MYLK4: variants seen among roughly 807,000 people sequenced by gnomAD.
MYLK4 encodes myosin light chain kinase family member 4, also known as caMLCK like.
MYLK4 carries 46 observed loss-of-function variants against 48.1 expected under a neutral mutation model. That is an observed-to-expected ratio of 0.96 (90% confidence interval 0.75 to 1.22). The LOEUF (loss-of-function observed/expected upper bound fraction) is 1.22, where lower values mean the gene tolerates loss of function less well. MYLK4 is among the 50% of genes most tolerant of loss of function. The pLI, the probability that MYLK4 is intolerant of heterozygous loss-of-function variation, is 0.00. For missense variants in MYLK4, 451 were observed against 486.1 expected (o/e 0.93, Z 0.68); for synonymous variants, 170 against 180.8 (o/e 0.94, Z 0.48).
At chr6:2,748,185 G>A (rs1764165458) in intron 2 of MYLK4, among the ~76,000 whole-genome samples, 1 of 152,176 alleles carries the variant, frequency 6.6e-6, no homozygotes, top group South Asian at 2.1e-4. Flanking sequence ...CAAAAATAAT[G>A]GTTCCCAGCC....
At chr6:2,699,322 C>G (rs1425545632) in intron 2 of MYLK4, among the ~76,000 whole-genome samples, 1 of 79,478 alleles carries the variant, frequency 1.3e-5, no homozygotes, top group Non-Finnish European at 2.2e-5. Flanking sequence ...TATGGAGTCT[C>G]TCTCTGTCGC....
chr6:2,726,691 C>A (rs1199069435), intron 2 of MYLK4, among the ~76,000 whole-genome samples: 2 of 150,738 alleles, frequency 1.3e-5, no homozygotes, highest in Non-Finnish European at 2.9e-5. Context: ...CGGCTCACTG[C>A]AACCTCTGCC....
At chr6:2,725,275 T>C (rs1763215744) in intron 2 of MYLK4, among the ~76,000 whole-genome samples, 1 of 152,058 alleles carries the variant, frequency 6.6e-6, no homozygotes, top group Admixed American at 6.5e-5. Flanking sequence ...CTGGGCAAGA[T>C]AGGGAGACTC....
chr6:2,725,555 C>CGAAAG (rs11441958), intron 2 of MYLK4, among the ~76,000 whole-genome samples: 14 of 89,672 alleles, frequency 1.6e-4, no homozygotes, highest in Admixed American at 2.4e-4. Flanking sequence ...AACAAAGAAA[C>CGAAAG]AAAGAAAGAA....
the MYLK4 span, among the ~76,000 whole-genome samples, chr6:2,768,122 C>T: frequency 6.6e-6 from 1 of 152,126 alleles, no homozygotes; most frequent in African/African-American, 2.4e-5. Context: ...CTAATGTGAC[C>T]ACAGTGCTGC....
At position 2,678,327 on chromosome 6, in the gene MYLK4, C is replaced by T. The variant is rs202082637; in HGVS notation, c.933G>A (p.Thr311=). The change falls in exon 10 of 13, where the codon ACG becomes ACA. Residue 311 remains threonine, a synonymous_variant. Transcript: ENST00000274643. ...SPFLGDNDAE[T]LNNILACRWD... ...ACCTGCAGGCCAGGATGTTGTTCAG[C>T]GTCTCAGCATCATTGTCACCCAGGA... 2.8e-5 allele frequency: 45 copies of T among 1,614,020 alleles called. No homozygotes were observed. The highest frequency in any genetic ancestry group is 2.9e-5 in the Non-Finnish European group (34 of 1,180,022).
At chr6:2,722,889 G>A (rs1763121330) in intron 2 of MYLK4, among the ~76,000 whole-genome samples, 2 of 152,080 alleles carry the variant, frequency 1.3e-5, no homozygotes, top group Admixed American at 6.5e-5. Context: ...AATTATGAAT[G>A]AATTGCCCCA....
chr6:2,709,436 A>C (rs4959704), intron 2 of MYLK4, among the ~76,000 whole-genome samples: 151,278 of 152,320 alleles, frequency 0.99, 75,137 homozygotes, highest in Middle Eastern at 1. Context: ...CCAGACACAG[A>C]CAGATCTGTG....
chr6:2,678,811 A>G (rs774072586), intron 9 of MYLK4, among the ~76,000 whole-genome samples: 20 of 151,470 alleles, frequency 1.3e-4, no homozygotes, highest in Non-Finnish European at 2.5e-4. Flanking sequence ...CCTGGAAGCA[A>G]TTCTCCTGCA....
chr6:2,694,966 T>C (rs1285636344), intron 2 of MYLK4, among the ~76,000 whole-genome samples: 1 of 151,940 alleles, frequency 6.6e-6, no homozygotes, highest in East Asian at 1.9e-4. Context: ...TGAGATCTAC[T>C]ACATAGTTGG....
chr6:2,765,470 G>A, the MYLK4 span: 5 of 971,412 alleles, frequency 5.1e-6, no homozygotes, highest in Admixed American at 4.5e-5. Context: ...CGGACGTGAG[G>A]CATGAGCGGC....
chr6:2,763,667 A>G, the MYLK4 span, among the ~76,000 whole-genome samples: 1 of 152,202 alleles, frequency 6.6e-6, no homozygotes, highest in Non-Finnish European at 1.5e-5. Flanking sequence ...CTTCCCCACA[A>G]GCTGAGGGAG....
rs374165030 is a variant in MYLK4 at position 2,723,163 on chromosome 6, C to T, written c.159+25973G>A. Among the ~76,000 whole-genome samples, 10 of 152,236 alleles carry T rather than the reference C, an allele frequency of 6.6e-5. 1 individual carries two copies. The highest frequency in any genetic ancestry group is 2.4e-4 in the African/African-American group (10 of 41,542). On this transcript the variant is annotated intron_variant, in intron 2 of 12. Coordinates refer to ENST00000274643, the MANE Select transcript of MYLK4 (RefSeq NM_001012418.5). ...AAAAAATTAGCTGGGCATGGTAGCGCATGCCTGTAGTCCCAGCTAATCAGG... is the reference window on the plus strand; with the variant it reads ...AAAAAATTAGCTGGGCATGGTAGCGTATGCCTGTAGTCCCAGCTAATCAGG...
chr6:2,686,502 G>T (rs530891807), intron 4 of MYLK4, among the ~76,000 whole-genome samples: 1 of 152,204 alleles, frequency 6.6e-6, no homozygotes, highest in Non-Finnish European at 1.5e-5. Flanking sequence ...AATTTGCTTA[G>T]TTTGATTTCT....
chr6:2,680,271 C>G lies in MYLK4; in HGVS notation c.708G>C (p.Val236=). 1 of 1,614,128 alleles carries G rather than the reference C, an allele frequency of 6.2e-7. No homozygotes were observed. The highest frequency in any genetic ancestry group is 8.5e-7 in the Non-Finnish European group (1 of 1,180,030). The change falls in exon 8 of 13, where the codon GTG becomes GTC. Residue 236 remains valine, a synonymous_variant. Coordinates refer to ENST00000274643, the MANE Select transcript of MYLK4 (RefSeq NM_001012418.5). ...LDLKPENILC[V]NRDAKQIKII... is the part of the protein sequence containing the mutation. ...TTTTTATTTGCTTAGCATCCCGATT[C>G]ACACACAGGATATTCTCAGGCTGCC...
intron 2 of MYLK4, among the ~76,000 whole-genome samples, chr6:2,696,367 A>T (rs1002056557): frequency 6.6e-6 from 1 of 152,262 alleles, no homozygotes; most frequent in Non-Finnish European, 1.5e-5. Flanking sequence ...AAATTCATAT[A>T]TTAAAATCCT....
At chr6:2,754,978 T>C (rs1181885621), upstream of MYLK4, among the ~76,000 whole-genome samples, 1 of 135,060 alleles carries the variant, frequency 7.4e-6, no homozygotes, top group African/African-American at 2.7e-5. Flanking sequence ...TATTTTCTGC[T>C]TGGAGATAGG....
chr6:2,766,986 A>G, the MYLK4 span, among the ~76,000 whole-genome samples: 1 of 152,250 alleles, frequency 6.6e-6, no homozygotes, highest in Non-Finnish European at 1.5e-5. Context: ...TCTTGAGAAT[A>G]TATTGATTTT....
chr6:2,763,549 GGCCGCTCCGA>G, the MYLK4 span, among the ~76,000 whole-genome samples: 1 of 152,216 alleles, frequency 6.6e-6, no homozygotes, highest in African/African-American at 2.4e-5. Context: ...CGGTGGTGCA[GGCCGCTCCGA>G]GCGCGAGGCT....
Sources: allele counts gnomAD v4.1 joint callset (sites outside exome capture counted in the v4.1 genomes callset), GRCh38; gene constraint gnomAD v4.1.1; transcripts MANE v1.5; gene names NCBI Gene and HGNC (gene_info 2026-07-23, HGNC 2026-07-21).